LMBRD1: variants seen among roughly 807,000 people sequenced by gnomAD.
LMBRD1 encodes LMBR1 domain containing 1.
A neutral mutation model predicts 74.8 loss-of-function variants in LMBRD1; 64 were observed. The observed-to-expected ratio is 0.86, with a 90% confidence interval of 0.70 to 1.05. LMBRD1 has a LOEUF of 1.05. Ranked by LOEUF, LMBRD1 falls within the 50% of genes least tolerant of loss-of-function variation. The pLI is 0.00. For missense variants in LMBRD1, 652 were observed against 645.9 expected (o/e 1.01, Z -0.10); for synonymous variants, 204 against 216.3 (o/e 0.94, Z 0.50).
Position 69,684,805 on chromosome 6 carries a change from C to T in LMBRD1, c.1418-8264G>A, listed in dbSNP as rs118103400. ...ATAAAAACAGGAAATCAGTAGGTTC[C>T]CAGAAGGAAGTTTTCAGGTCAATAC... On this transcript the variant is annotated intron_variant, in intron 14 of 15. Transcript: ENST00000649934. 3.9e-3 allele frequency among the ~76,000 whole-genome samples: 591 copies of T among 151,944 alleles called. 2 individuals carry two copies. Among genetic ancestry groups the T allele is most frequent in the Non-Finnish European group, 5.1e-3 (346 of 67,928 alleles).
intron 3 of LMBRD1, among the ~76,000 whole-genome samples, chr6:69,764,587 G>A (rs1188710270): frequency 6.6e-6 from 1 of 152,150 alleles, no homozygotes; most frequent in East Asian, 1.9e-4. Flanking sequence ...TAATGATGTT[G>A]AAGATCTTTC....
At chr6:69,723,144 C>T (rs926301747) in intron 7 of LMBRD1, among the ~76,000 whole-genome samples, 1 of 152,008 alleles carries the variant, frequency 6.6e-6, no homozygotes, top group Non-Finnish European at 1.5e-5. Flanking sequence ...ATTATAAATG[C>T]ACCCAACACT....
At chr6:69,685,862 C>G (rs1024961378) in intron 14 of LMBRD1, among the ~76,000 whole-genome samples, 14 of 152,038 alleles carry the variant, frequency 9.2e-5, no homozygotes, top group African/African-American at 3.4e-4. Flanking sequence ...ACAAATCTTC[C>G]AAGTGATTTT....
chr6:69,699,032 A>G lies in LMBRD1; in HGVS notation c.1338+11T>C. On this transcript the variant is annotated intron_variant, in intron 13 of 15. Coordinates refer to ENST00000649934, the MANE Select transcript of LMBRD1 (RefSeq NM_018368.4). ...ATATCAAAATAATCAAGTTTCAAAT[A>G]TTTCACTTACCTCTATTAAGTAATT... The G allele has an allele frequency of 6.5e-7, 1 of 1,543,278 alleles. No individual in the cohort carries two copies. Among genetic ancestry groups the G allele is most frequent in the South Asian group, 1.1e-5 (1 of 88,792 alleles).
intron 3 of LMBRD1, among the ~76,000 whole-genome samples, chr6:69,753,589 T>C (rs1279521069): frequency 6.6e-6 from 1 of 152,200 alleles, no homozygotes; most frequent in Non-Finnish European, 1.5e-5. Flanking sequence ...TCCAGGTGTA[T>C]GCACACAAGA....
At chr6:69,689,941 G>A (rs1219830945) in intron 14 of LMBRD1, among the ~76,000 whole-genome samples, 1 of 152,018 alleles carries the variant, frequency 6.6e-6, no homozygotes, top group African/African-American at 2.4e-5. Context: ...ATTGGTTCCA[G>A]GAATCACCCT....
chr6:69,685,976 G>T (rs1034536277), intron 14 of LMBRD1, among the ~76,000 whole-genome samples: 7 of 151,814 alleles, frequency 4.6e-5, no homozygotes, highest in Non-Finnish European at 1.0e-4. Flanking sequence ...GGGATGTAAG[G>T]GTCATTATGG....
chr6:69,699,335 C>G, intron 12 of LMBRD1, 143 bp from the exon 13 acceptor site: 1 of 711,578 alleles, frequency 1.4e-6, no homozygotes, highest in Non-Finnish European at 2.4e-6. Flanking sequence ...AGTTCTTAAT[C>G]ATCCCAAATA....
chr6:69,754,957 G>C (rs1034117448), intron 3 of LMBRD1, among the ~76,000 whole-genome samples: 8 of 152,196 alleles, frequency 5.3e-5, no homozygotes, highest in African/African-American at 7.2e-5. Context: ...TGTGGAGAAA[G>C]AGGAATGCTT....
intron 14 of LMBRD1, among the ~76,000 whole-genome samples, chr6:69,685,610 G>A (rs1042601059): frequency 6.6e-6 from 1 of 152,110 alleles, no homozygotes; most frequent in African/African-American, 2.4e-5. Context: ...GGACCAGCCT[G>A]GGCAACATGG....
chr6:69,742,476 C>G lies in LMBRD1; in HGVS notation c.474-599G>C, dbSNP rs536968754. On this transcript the variant is annotated intron_variant, in intron 5 of 15. Coordinates refer to ENST00000649934, the MANE Select transcript of LMBRD1 (RefSeq NM_018368.4). ...AGAAATAATAGAGACAGCTAGCATCCTAGGACCTGCTCTATGATCTTAGAC... is the reference window on the plus strand; with the variant it reads ...AGAAATAATAGAGACAGCTAGCATCGTAGGACCTGCTCTATGATCTTAGAC... 2.6e-5 allele frequency among the ~76,000 whole-genome samples: 4 copies of G among 152,170 alleles called. No homozygotes were observed. The South Asian group carries it at 8.3e-4, about 32-fold the overall frequency.
intron 12 of LMBRD1, among the ~76,000 whole-genome samples, chr6:69,700,297 A>G (rs1439021656): frequency 2.0e-5 from 3 of 151,894 alleles, no homozygotes; most frequent in East Asian, 1.9e-4. Flanking sequence ...GAAAATAACC[A>G]ATGATATGGT....
At chr6:69,777,164 G>C (rs538303221) in intron 3 of LMBRD1, among the ~76,000 whole-genome samples, 1 of 151,560 alleles carries the variant, frequency 6.6e-6, no homozygotes, top group East Asian at 2.0e-4. Context: ...ATTAAAAAAG[G>C]GGTCCGGGCA....
At chr6:69,686,636 C>G (rs200872719) in intron 14 of LMBRD1, among the ~76,000 whole-genome samples, 4 of 50,312 alleles carry the variant, frequency 8.0e-5, no homozygotes, top group African/African-American at 2.3e-4. Context: ...CTCTCAAACT[C>G]TCTATCAAGC....
chr6:69,681,127 T>C (rs1765651711), intron 14 of LMBRD1, among the ~76,000 whole-genome samples: 1 of 152,016 alleles, frequency 6.6e-6, no homozygotes, highest in East Asian at 1.9e-4. Context: ...AGATTAGATG[T>C]TAACAATGAA....
At chr6:69,680,654 G>A (rs1007720375) in intron 14 of LMBRD1, among the ~76,000 whole-genome samples, 20 of 151,980 alleles carry the variant, frequency 1.3e-4, no homozygotes, top group African/African-American at 3.6e-4. Context: ...ATCATTCTGC[G>A]TTGTTGTTGA....
chr6:69,796,776 G>T, intron 1 of LMBRD1, 37 bp downstream of exon 1: 3 of 1,597,204 alleles, frequency 1.9e-6, no homozygotes, highest in Non-Finnish European at 2.6e-6. Flanking sequence ...TCCTCCCCCA[G>T]TCCAAACATG....
At chr6:69,769,765 C>G (rs1765541954) in intron 3 of LMBRD1, among the ~76,000 whole-genome samples, 1 of 149,684 alleles carries the variant, frequency 6.7e-6, no homozygotes, top group South Asian at 2.1e-4. Flanking sequence ...AATTTTTATC[C>G]CAGCTCAAAA....
At chr6:69,768,610 G>T (rs2149886551) in intron 3 of LMBRD1, among the ~76,000 whole-genome samples, 1 of 151,938 alleles carries the variant, frequency 6.6e-6, no homozygotes, top group Non-Finnish European at 1.5e-5. Context: ...CTTTTACAAA[G>T]ATAAGAAAAG....
Sources: gnomAD v4.1 joint callset for allele counts (sites outside exome capture counted in the v4.1 genomes callset) on GRCh38, gnomAD v4.1.1 for gene constraint, MANE v1.5 for transcripts, NCBI Gene and HGNC (gene_info 2026-07-23, HGNC 2026-07-21) for gene names.